PIEZO2: variants seen among roughly 807,000 people sequenced by gnomAD.
The protein encoded by PIEZO2 is piezo type mechanosensitive ion channel component 2.
Under a neutral mutation model 337.3 loss-of-function variants are expected in PIEZO2, and 172 were observed. The observed-to-expected ratio is 0.51, with a 90% confidence interval of 0.45 to 0.58. The LOEUF (loss-of-function observed/expected upper bound fraction) is 0.58, where lower values mean the gene tolerates loss of function less well. PIEZO2 is among the 20% of genes least tolerant of loss of function. PIEZO2 has a pLI of 0.00. For missense variants in PIEZO2, 3,028 were observed against 3,391.3 expected, an observed-to-expected ratio of 0.89 and a Z score of 2.66; for synonymous variants, 1,251 against 1,228.5, an observed-to-expected ratio of 1.02 and a Z score of -0.38.
At chr18:10,839,016 G>A (rs1214017031) in intron 7 of PIEZO2, among the ~76,000 whole-genome samples, 1 of 152,150 alleles carries the variant, frequency 6.6e-6, no homozygotes, top group Non-Finnish European at 1.5e-5. Context: ...GTCTTACATA[G>A]TCAATAACCA....
At chr18:10,674,250 C>T (rs1346854967) in intron 54 of PIEZO2, among the ~76,000 whole-genome samples, 1 of 152,208 alleles carries the variant, frequency 6.6e-6, no homozygotes. Context: ...AGCACAGAGT[C>T]ACCTCAGGAA....
chr18:10,689,936 G>T, intron 48 of PIEZO2, 134 bp from the exon 49 acceptor site: 1 of 984,804 alleles, frequency 1.0e-6, no homozygotes, highest in Non-Finnish European at 1.4e-6. Context: ...GACCCTTCCA[G>T]TAAAACCCAA....
intron 7 of PIEZO2, among the ~76,000 whole-genome samples, chr18:10,809,771 T>C (rs925573059): frequency 6.6e-6 from 1 of 152,120 alleles, no homozygotes; most frequent in Non-Finnish European, 1.5e-5. Context: ...AAGAAACTGA[T>C]ACTATTGCAC....
At chr18:10,702,942 A>C (rs1484118054) in intron 42 of PIEZO2, among the ~76,000 whole-genome samples, 1 of 152,144 alleles carries the variant, frequency 6.6e-6, no homozygotes, top group Non-Finnish European at 1.5e-5. Context: ...TGCAACCTCA[A>C]ACTCCTGGGT....
chr18:10,948,931 A>G (rs1193032997), intron 3 of PIEZO2, among the ~76,000 whole-genome samples: 1 of 152,216 alleles, frequency 6.6e-6, no homozygotes, highest in Non-Finnish European at 1.5e-5. Context: ...CGGCCTGTTT[A>G]TAACAGCCAG....
At chr18:10,765,598 A>G (rs1277584424) in intron 21 of PIEZO2, among the ~76,000 whole-genome samples, 1 of 152,208 alleles carries the variant, frequency 6.6e-6, no homozygotes, top group Non-Finnish European at 1.5e-5. Context: ...ATGGAGGCAG[A>G]GGGAGTGAGT....
At chr18:11,004,963 T>C (rs1194602660) in intron 2 of PIEZO2, among the ~76,000 whole-genome samples, 1 of 152,212 alleles carries the variant, frequency 6.6e-6, no homozygotes, top group African/African-American at 2.4e-5. Context: ...AGATGTGCCA[T>C]TAAATATTGA....
rs955716943 is a variant in PIEZO2 at position 11,096,442 on chromosome 18, C to G, written c.65-30220G>C. On this transcript the variant is annotated intron_variant, in intron 1 of 55. Transcript: ENST00000674853. The surrounding 1 kb of genome is among the most constrained non-coding windows in gnomAD (Gnocchi z 4.6). Reference sequence around the variant, plus strand: ...CTGGTCCCGGGCTCCACACCTGGTTCTGCCTCCTAAGAGCTCTCGGACAAA... The same window carrying G: ...CTGGTCCCGGGCTCCACACCTGGTTGTGCCTCCTAAGAGCTCTCGGACAAA... Among the ~76,000 whole-genome samples the G allele has an allele frequency of 6.6e-6, 1 of 152,224 alleles. No homozygotes were observed. Among genetic ancestry groups the G allele is most frequent in the African/African-American group, 2.4e-5 (1 of 41,472 alleles).
chr18:10,796,309 G>A (rs2039596991), intron 12 of PIEZO2, among the ~76,000 whole-genome samples: 1 of 151,626 alleles, frequency 6.6e-6, no homozygotes, highest in Non-Finnish European at 1.5e-5. Context: ...GGTGGAGCTT[G>A]CAGTGAGCTG....
rs2040223363 is a variant in PIEZO2, at chr18:11,127,735, GTA to G, written c.64+20788_64+20789del. Among the ~76,000 whole-genome samples the G allele has an allele frequency of 6.7e-6, 1 of 150,172 alleles. No homozygotes were observed. The highest frequency in any genetic ancestry group is 1.5e-5 in the Non-Finnish European group (1 of 67,696). ...TGTATATATATACACACATATATAT[GTA>G]TGTGTATATATATGACATATATAGG... On this transcript the variant is annotated intron_variant, in intron 1 of 55. Transcript: ENST00000674853. The surrounding 1 kb of genome is among the most constrained non-coding windows in gnomAD (Gnocchi z 4.5).
chr18:10,674,168 A>T (rs368418666), intron 54 of PIEZO2, among the ~76,000 whole-genome samples: 45 of 152,350 alleles, frequency 3.0e-4, no homozygotes, highest in East Asian at 1.7e-3. Context: ...ACCACCCAGA[A>T]CACACAGGAA....
At chr18:10,835,605 G>A (rs758780747) in intron 7 of PIEZO2, among the ~76,000 whole-genome samples, 7 of 151,376 alleles carry the variant, frequency 4.6e-5, no homozygotes, top group African/African-American at 7.3e-5. Context: ...GTGCAGTGGC[G>A]CGATCTCGGT....
At chr18:10,760,204 A>G (rs186386320) in intron 24 of PIEZO2, among the ~76,000 whole-genome samples, 3 of 152,356 alleles carry the variant, frequency 2.0e-5, no homozygotes, top group East Asian at 1.9e-4. Flanking sequence ...ACTTCATTCT[A>G]TGAAGGCACA....
In PIEZO2 at chr18:10,858,341, A is replaced by AAC. The variant is rs1568136389; in HGVS notation, c.493-1131_493-1130insGT. Among the ~76,000 whole-genome samples the AAC allele has an allele frequency of 2.9e-4, 41 of 141,492 alleles. 2 individuals are homozygous for AAC. The highest frequency in any genetic ancestry group is 7.4e-4 in the African/African-American group (28 of 37,930). 92.8% of individuals were successfully genotyped at this position (141,492 alleles called of 152,430 possible). A position where few individuals can be genotyped will look rare whatever the true frequency, so the allele number is the denominator to read the frequency against. On this transcript the variant is annotated intron_variant, in intron 5 of 55. Transcript: ENST00000674853. ...CAACCCAAAAAAAAAAAAAAAAAAA[A>AAC]AAAAAAGAAAAGAAAAGAAGAAAAT...
At chr18:10,934,702 C>G (rs1264174148) in intron 3 of PIEZO2, among the ~76,000 whole-genome samples, 1 of 142,344 alleles carries the variant, frequency 7.0e-6, no homozygotes, top group East Asian at 2.1e-4. Flanking sequence ...TGGGCAGAGC[C>G]AAGAGCACCT....
rs1256007568 is a variant in PIEZO2 at position 11,102,323 on chromosome 18, C to G, written c.65-36101G>C. Reference sequence around the variant, plus strand: ...GCACATCCCATGACTTTTCTGCTCTCTCTTAGATAACAGACAGTTTTTGGT... The same window carrying G: ...GCACATCCCATGACTTTTCTGCTCTGTCTTAGATAACAGACAGTTTTTGGT... On this transcript the variant is annotated intron_variant, in intron 1 of 55. Coordinates refer to ENST00000674853, the MANE Select transcript of PIEZO2 (RefSeq NM_001378183.1). The surrounding 1 kb of genome is among the most constrained non-coding windows in gnomAD (Gnocchi z 5.7). 6.6e-6 allele frequency among the ~76,000 whole-genome samples: 1 copy of G among 152,238 alleles called. No homozygotes were observed. Among genetic ancestry groups the G allele is most frequent in the Non-Finnish European group, 1.5e-5 (1 of 68,046 alleles).
rs6416985 is a variant in PIEZO2 at position 10,952,223 on chromosome 18, T to A, written c.286+27312A>T. Among the ~76,000 whole-genome samples the A allele has an allele frequency of 0.091, 13,850 of 152,124 alleles. 773 individuals carry two copies. The highest frequency in any genetic ancestry group is 0.15 in the African/African-American group (6,240 of 41,476). On this transcript the variant is annotated intron_variant, in intron 3 of 55. Transcript: ENST00000674853. This position sits in a 1 kb window ranked among gnomAD's most constrained non-coding sequence, Gnocchi z 4.1. ...GTGGTCGCTGGCTCTTTTTAAATCA[T>A]TTTTTTTCTTATTAGATTATAAGTT... is the stretch of plus-strand genomic sequence containing the variant.
chr18:10,839,259 T>C (rs1018643783), intron 7 of PIEZO2, among the ~76,000 whole-genome samples: 9 of 152,226 alleles, frequency 5.9e-5, no homozygotes, highest in Non-Finnish European at 8.8e-5. Flanking sequence ...TTTTTCAAAG[T>C]ACCAGAAAAC....
chr18:11,011,522 T>C (rs1308596963), intron 2 of PIEZO2, among the ~76,000 whole-genome samples: 4 of 152,228 alleles, frequency 2.6e-5, no homozygotes, highest in Non-Finnish European at 4.4e-5. Flanking sequence ...TATTACCTCA[T>C]GCAGTGTTCA....
Sources: allele counts gnomAD v4.1 joint callset (sites outside exome capture counted in the v4.1 genomes callset), GRCh38; gene constraint gnomAD v4.1.1; non-coding constraint Gnocchi (gnomAD v3.1); transcripts MANE v1.5; gene names NCBI Gene and HGNC (gene_info 2026-07-23, HGNC 2026-07-21).